Variants in SVOPL observed in about 807,000 individuals in gnomAD.
SVOPL encodes the protein SVOP like.
In SVOPL, 60 loss-of-function variants were observed where a neutral mutation model predicts 61.0. The observed-to-expected ratio is 0.98, with a 90% CI of 0.80 to 1.22. SVOPL has a LOEUF of 1.22. SVOPL is among the 50% of genes most tolerant of loss of function. SVOPL has a pLI of 0.00. For missense variants in SVOPL, 662 were observed against 643.9 expected, an observed-to-expected ratio of 1.03 and a Z score of -0.30; for synonymous variants, 279 against 250.0, an observed-to-expected ratio of 1.12 and a Z score of -1.09.
intron 14 of SVOPL, among the ~76,000 whole-genome samples, chr7:138,606,527 T>C (rs1051878929): frequency 6.6e-6 from 1 of 152,094 alleles, no homozygotes; most frequent in Non-Finnish European, 1.5e-5. Context: ...ACTGTGGACA[T>C]GTCTGAAAGG....
intron 11 of SVOPL, among the ~76,000 whole-genome samples, 163 bp from the exon 12 acceptor site, chr7:138,627,624 A>G (rs1012100161): frequency 2.0e-5 from 3 of 152,172 alleles, no homozygotes; most frequent in Non-Finnish European, 4.4e-5. Context: ...CAATTTCAAG[A>G]CTTTTTACAT....
intron 1 of SVOPL, among the ~76,000 whole-genome samples, chr7:138,699,603 G>A (rs957836890): frequency 6.6e-6 from 1 of 152,180 alleles, no homozygotes; most frequent in African/African-American, 2.4e-5. Context: ...ACTTATGAGA[G>A]GCACGACAAA....
At chr7:138,602,259 G>C (rs1798555097) in intron 14 of SVOPL, among the ~76,000 whole-genome samples, 1 of 151,980 alleles carries the variant, frequency 6.6e-6, no homozygotes, top group South Asian at 2.1e-4. Flanking sequence ...TGTGCATAAT[G>C]TTCAGTTTCC....
chr7:138,613,930 C>T (rs1267567525), intron 14 of SVOPL, among the ~76,000 whole-genome samples: 2 of 152,160 alleles, frequency 1.3e-5, no homozygotes, highest in African/African-American at 4.8e-5. Context: ...ATTTAACCAT[C>T]GGCTTTCAAA....
chr7:138,644,589 T>C, intron 9 of SVOPL, 128 bp downstream of exon 9: 1 of 1,318,134 alleles, frequency 7.6e-7, no homozygotes, highest in Non-Finnish European at 1.0e-6. Context: ...ACATCTTTCC[T>C]GGCCATCGCC....
intron 1 of SVOPL, among the ~76,000 whole-genome samples, chr7:138,681,062 G>T (rs1361265825): frequency 6.6e-6 from 1 of 151,144 alleles, no homozygotes; most frequent in East Asian, 1.9e-4. Flanking sequence ...AGGAACCCAG[G>T]TTTTCATTGT....
chr7:138,620,994 T>A, intron 14 of SVOPL, 52 bp downstream of exon 14: 1 of 1,548,714 alleles, frequency 6.5e-7, no homozygotes. Flanking sequence ...CCTGGGTTCC[T>A]CTTACCCCCT....
At chr7:138,608,885 G>A (rs1202345282) in intron 14 of SVOPL, among the ~76,000 whole-genome samples, 5 of 152,110 alleles carry the variant, frequency 3.3e-5, no homozygotes, top group Non-Finnish European at 7.4e-5. Flanking sequence ...TCTCTGCAAC[G>A]TAATTGCCAA....
intron 14 of SVOPL, among the ~76,000 whole-genome samples, chr7:138,604,455 C>A (rs1443791266): frequency 1.3e-5 from 2 of 152,066 alleles, no homozygotes; most frequent in Non-Finnish European, 2.9e-5. Flanking sequence ...GGGAGGATCA[C>A]CTGAGGTCAG....
At chr7:138,701,108 T>TG (rs1392446491) in intron 1 of SVOPL, 70 bp downstream of exon 1, 1 of 152,230 alleles carries the variant, frequency 6.6e-6, no homozygotes, top group Non-Finnish European at 1.5e-5. Context: ...TAACAGTCAA[T>TG]GCCCCACCCC....
intron 9 of SVOPL, among the ~76,000 whole-genome samples, chr7:138,636,937 A>T (rs1800494470): frequency 1.3e-5 from 2 of 152,184 alleles, no homozygotes; most frequent in African/African-American, 4.8e-5. Flanking sequence ...ATCAGAAATG[A>T]AAAGTATATT....
chr7:138,663,030 T>C (rs376613914), intron 5 of SVOPL, 44 bp downstream of exon 5: 5 of 1,613,138 alleles, frequency 3.1e-6, no homozygotes, highest in Non-Finnish European at 4.2e-6. Flanking sequence ...CCCAAAAGAA[T>C]ACACAAAAGA....
At chr7:138,644,137 G>A (rs1053590884) in intron 9 of SVOPL, among the ~76,000 whole-genome samples, 1 of 140,746 alleles carries the variant, frequency 7.1e-6, no homozygotes, top group Non-Finnish European at 1.5e-5. Context: ...GGAGGTAGAG[G>A]TTGCAGTGAG....
At chr7:138,631,091 G>A (rs1275086693) in intron 9 of SVOPL, among the ~76,000 whole-genome samples, 1 of 152,152 alleles carries the variant, frequency 6.6e-6, no homozygotes, top group African/African-American at 2.4e-5. Flanking sequence ...TGGGATTACA[G>A]GCTGTTTCTA....
chr7:138,688,873 T>A (rs1802877745), intron 1 of SVOPL: 1 of 394,506 alleles, frequency 2.5e-6, no homozygotes, highest in East Asian at 6.1e-5. Context: ...TAACCTCTAG[T>A]ACCTCAGAAT....
At chr7:138,664,088 A>C (rs1015695313) in intron 4 of SVOPL, 1 of 509,356 alleles carries the variant, frequency 2.0e-6, no homozygotes, top group Non-Finnish European at 2.5e-6. Context: ...GCAGAGACAG[A>C]AACCTGTCCG....
At chr7:138,695,232 C>T (rs1264049029) in intron 1 of SVOPL, among the ~76,000 whole-genome samples, 1 of 152,144 alleles carries the variant, frequency 6.6e-6, no homozygotes, top group East Asian at 1.9e-4. Flanking sequence ...AAGCATTCCG[C>T]CAGGCACAAT....
At chr7:138,598,613 A>T (rs1223776574) in intron 14 of SVOPL, among the ~76,000 whole-genome samples, 1 of 152,216 alleles carries the variant, frequency 6.6e-6, no homozygotes, top group Non-Finnish European at 1.5e-5. Flanking sequence ...GAAATCATAG[A>T]GTGTGTTCTA....
At chr7:138,599,783 G>A (rs1798435484) in intron 14 of SVOPL, among the ~76,000 whole-genome samples, 1 of 151,830 alleles carries the variant, frequency 6.6e-6, no homozygotes, top group South Asian at 2.1e-4. Context: ...AGCTACTCGG[G>A]AGGCTGAGAC....
Sources: gnomAD v4.1 joint callset for allele counts (sites outside exome capture counted in the v4.1 genomes callset) on GRCh38, gnomAD v4.1.1 for gene constraint, MANE v1.5 for transcripts, NCBI Gene and HGNC (gene_info 2026-07-23, HGNC 2026-07-21) for gene names.